TDRD3: variants seen among roughly 807,000 people sequenced by gnomAD.
TDRD3 encodes the protein tudor domain containing 3.
In TDRD3, 45 loss-of-function variants were observed where a neutral mutation model predicts 86.7. The observed-to-expected ratio is 0.52, with a 90% CI of 0.41 to 0.67. The LOEUF is 0.67. Among genes scored for constraint, TDRD3 ranks in the 30% least tolerant of loss-of-function variants. The pLI is 0.00. For missense variants in TDRD3, 814 were observed against 889.0 expected, an observed-to-expected ratio of 0.92 and a Z score of 1.07; for synonymous variants, 298 against 301.7, an observed-to-expected ratio of 0.99 and a Z score of 0.13.
rs547521321 is a variant in TDRD3, at chr13:60,397,339, C to G, written c.-26C>G. 3.0e-4 allele frequency: 435 copies of G among 1,459,924 alleles called. 4 individuals are homozygous for G. In the South Asian group the frequency reaches 3.3e-3, roughly 11 times the overall value. The allele number at this position is 1,459,924 out of a possible 1,614,324, so 90.4% of individuals were successfully genotyped here. On this transcript the variant is annotated 5_prime_UTR_variant, in exon 1 of 14. Coordinates refer to ENST00000377881, the MANE Select transcript of TDRD3 (RefSeq NM_001146070.2). ...CCCCATCACCCCCACCCCAGCCCCCCACCACCCCCGGCCTAAGCAGCTACC... is the reference window on the plus strand; with the variant it reads ...CCCCATCACCCCCACCCCAGCCCCCGACCACCCCCGGCCTAAGCAGCTACC...
intron 1 of TDRD3, among the ~76,000 whole-genome samples, chr13:60,427,914 C>G (rs1051435946): frequency 6.6e-6 from 1 of 152,130 alleles, no homozygotes; most frequent in Admixed American, 6.6e-5. Context: ...TAGCAAATTA[C>G]CACAAGCTGG....
At chr13:60,570,150 T>C (rs1232148968) in intron 13 of TDRD3, among the ~76,000 whole-genome samples, 1 of 152,180 alleles carries the variant, frequency 6.6e-6, no homozygotes, top group African/African-American at 2.4e-5. Flanking sequence ...GGAGAAGATA[T>C]TTTCAAACTA....
intron 1 of TDRD3, among the ~76,000 whole-genome samples, chr13:60,410,510 A>G (rs1170239588): frequency 6.6e-6 from 1 of 152,196 alleles, no homozygotes; most frequent in Non-Finnish European, 1.5e-5. Flanking sequence ...TGTACTCAGA[A>G]TGGCAAGTAC....
At chr13:60,399,690 T>C (rs941058757) in intron 1 of TDRD3, among the ~76,000 whole-genome samples, 1 of 152,256 alleles carries the variant, frequency 6.6e-6, no homozygotes, top group African/African-American at 2.4e-5. Flanking sequence ...TGACAAACCA[T>C]TTTTCTTAGT....
chr13:60,464,083 C>A (rs1201668694), intron 4 of TDRD3, among the ~76,000 whole-genome samples: 2 of 152,134 alleles, frequency 1.3e-5, no homozygotes, highest in Non-Finnish European at 2.9e-5. Flanking sequence ...TGCATATACC[C>A]CTTTGCCTTC....
chr13:60,541,146 ATTCT>A (rs138633350), intron 12 of TDRD3, among the ~76,000 whole-genome samples: 40,539 of 149,764 alleles, frequency 0.27, 5,675 homozygotes, highest in South Asian at 0.33. Context: ...TTGTTTTTCT[ATTCT>A]TTCTTTCTTT....
Position 60,428,020 on chromosome 13 carries a change from T to G in TDRD3, c.42-11668T>G, listed in dbSNP as rs1954854186. ...TTGGAGCTGTTCTCCCTGCAGAGGC[T>G]TTAGGGGAGAATCAGTAACTTACCC... On this transcript the variant is annotated intron_variant, in intron 1 of 13. Transcript: ENST00000377881. 2.6e-5 allele frequency among the ~76,000 whole-genome samples: 4 copies of G among 152,044 alleles called. No individual in the cohort carries two copies. The South Asian group carries it at 8.3e-4, about 32-fold the overall frequency.
At position 60,415,436 on chromosome 13, in the gene TDRD3, G is replaced by A. The variant is rs1036285357; in HGVS notation, c.41+18031G>A. 5.3e-5 allele frequency among the ~76,000 whole-genome samples: 8 copies of A among 152,018 alleles called. 1 individual carries two copies. Among genetic ancestry groups the A allele is most frequent in the Admixed American group, 5.2e-4 (8 of 15,252 alleles). On this transcript the variant is annotated intron_variant, in intron 1 of 13. Transcript: ENST00000377881. ...TTACGCTTCAGCCAACCACTTGGGT[G>A]TATCAGGACTATAATTAACATATTG... is the stretch of plus-strand genomic sequence containing the variant.
chr13:60,562,933 T>C (rs764268703), intron 12 of TDRD3, among the ~76,000 whole-genome samples: 11 of 151,922 alleles, frequency 7.2e-5, no homozygotes, highest in Non-Finnish European at 1.5e-4. Flanking sequence ...GGAATGGTAA[T>C]ATAAGATAAA....
chr13:60,537,203 C>G (rs1957713497), intron 12 of TDRD3: 2 of 151,886 alleles, frequency 1.3e-5, no homozygotes, highest in South Asian at 4.1e-4. Flanking sequence ...CTTTTATAAT[C>G]AAGTGGTTGT....
intron 1 of TDRD3, among the ~76,000 whole-genome samples, chr13:60,413,207 AG>A (rs1954407094): frequency 2.0e-5 from 3 of 152,206 alleles, no homozygotes; most frequent in South Asian, 4.1e-4. Context: ...CATTTATATT[AG>A]AATTAGTTAA....
intron 13 of TDRD3, among the ~76,000 whole-genome samples, chr13:60,568,355 C>G (rs1342409460): frequency 1.3e-5 from 2 of 152,142 alleles, no homozygotes; most frequent in Non-Finnish European, 2.9e-5. Flanking sequence ...ACAGTCCTGA[C>G]CTACTGTCCA....
At chr13:60,431,633 G>T (rs1416391301) in intron 1 of TDRD3, among the ~76,000 whole-genome samples, 2 of 133,866 alleles carry the variant, frequency 1.5e-5, no homozygotes, top group African/African-American at 2.7e-5. Flanking sequence ...ATAGTGTTAA[G>T]TAATTAAAAA....
chr13:60,567,588 C>T lies in TDRD3; in HGVS notation c.2182C>T (p.Arg728Ter), dbSNP rs1276627658. 1.2e-6 allele frequency: 2 copies of T among 1,614,020 alleles called. No individual in the cohort carries two copies. The highest frequency in any genetic ancestry group is 1.3e-5 in the African/African-American group (1 of 74,908). Reference protein sequence around the residue: ...FRRGGDGQPRRSTRPTQQFYQ... With the variant: ...FRRGGDGQPR The stretch of plus-strand genomic sequence containing the variant: ...TAGGGGAGGTGATGGCCAGCCAAGA[C>T]GATCCACTCGGCCAACCCAACAGTT... The change falls in exon 13 of 14, where the codon CGA becomes TGA. Residue 728 changes from arginine to a stop codon, truncating the protein, a stop_gained. Coordinates refer to ENST00000377881, the MANE Select transcript of TDRD3 (RefSeq NM_001146070.2). LOFTEE classifies it high-confidence loss of function.
chr13:60,559,496 T>C (rs188796221), intron 12 of TDRD3, among the ~76,000 whole-genome samples: 78 of 152,328 alleles, frequency 5.1e-4, no homozygotes, highest in Non-Finnish European at 9.6e-4. Context: ...TATATATTCG[T>C]TCCTGTACTT....
At chr13:60,410,569 C>T (rs1398707762) in intron 1 of TDRD3, among the ~76,000 whole-genome samples, 4 of 152,118 alleles carry the variant, frequency 2.6e-5, no homozygotes, top group Non-Finnish European at 5.9e-5. Flanking sequence ...TATTCAGGGG[C>T]CTCTACTCCT....
intron 3 of TDRD3, among the ~76,000 whole-genome samples, chr13:60,459,710 T>C (rs957215410): frequency 6.6e-6 from 1 of 152,190 alleles, no homozygotes; most frequent in Admixed American, 6.5e-5. Context: ...AACTTCCATT[T>C]CCCGGATTCA....
At chr13:60,529,336 A>C in intron 11 of TDRD3, 119 bp downstream of exon 11, 1 of 1,137,246 alleles carries the variant, frequency 8.8e-7, no homozygotes, top group Non-Finnish European at 1.2e-6. Flanking sequence ...ACCTGTTTAA[A>C]ATCTTTGAAC....
chr13:60,459,069 A>G (rs1955743849), intron 3 of TDRD3, among the ~76,000 whole-genome samples: 1 of 152,184 alleles, frequency 6.6e-6, no homozygotes, highest in South Asian at 2.1e-4. Flanking sequence ...TATCTTTTCC[A>G]ATTATGTTCT....
Sources: allele counts gnomAD v4.1 joint callset (sites outside exome capture counted in the v4.1 genomes callset), GRCh38; gene constraint gnomAD v4.1.1; transcripts MANE v1.5; gene names NCBI Gene and HGNC (gene_info 2026-07-23, HGNC 2026-07-21).